Variants in KIRREL3 observed in about 807,000 individuals in gnomAD.
KIRREL3 encodes kin of IRRE-like protein 3.
In KIRREL3, 36 loss-of-function variants were observed where a neutral mutation model predicts 89.7. The ratio of observed to expected loss-of-function variants is 0.40; its 90% confidence interval spans 0.31 to 0.53. The LOEUF is 0.53. Among genes scored for constraint, KIRREL3 ranks in the 20% least tolerant of loss-of-function variants. The pLI is 0.49. For missense variants in KIRREL3, 864 were observed against 1,056.6 expected, an observed-to-expected ratio of 0.82 and a Z score of 2.53; for synonymous variants, 445 against 441.4, an observed-to-expected ratio of 1.01 and a Z score of -0.10.
At chr11:126,959,771 G>A (rs1325555882) in intron 1 of KIRREL3, among the ~76,000 whole-genome samples, 2 of 151,430 alleles carry the variant, frequency 1.3e-5, no homozygotes, top group Admixed American at 1.3e-4. Context: ...TACCCAACCT[G>A]GGGGCCACCT....
rs1940363182 is a variant in KIRREL3 at position 126,564,430 on chromosome 11, C to G, written c.56-1518G>C. 6.6e-6 allele frequency among the ~76,000 whole-genome samples: 1 copy of G among 152,174 alleles called. No individual in the cohort carries two copies. The highest frequency in any genetic ancestry group is 2.4e-5 in the African/African-American group (1 of 41,450). ...CAGGAGGTGGCAGAACGCCACGGCCCAGGGAGGTCCCTGGCTTTGATCTCC... is the reference window on the plus strand; with the variant it reads ...CAGGAGGTGGCAGAACGCCACGGCCGAGGGAGGTCCCTGGCTTTGATCTCC... On this transcript the variant is annotated intron_variant, in intron 1 of 16. Transcript: ENST00000525144. The surrounding 1 kb of genome is among the most constrained non-coding windows in gnomAD (Gnocchi z 7.4).
intron 1 of KIRREL3, among the ~76,000 whole-genome samples, chr11:126,586,770 G>A (rs1941882475): frequency 6.6e-6 from 1 of 152,236 alleles, no homozygotes; most frequent in African/African-American, 2.4e-5. Context: ...AAGGCACTGG[G>A]TCAGGAGCTG....
At chr11:126,838,193 A>T (rs1489064330) in intron 1 of KIRREL3, among the ~76,000 whole-genome samples, 1 of 152,366 alleles carries the variant, frequency 6.6e-6, no homozygotes, top group East Asian at 1.9e-4. Context: ...ATCAATGTGC[A>T]GAAGCAATTT....
At position 126,766,807 on chromosome 11, in the gene KIRREL3, A is replaced by C. The variant is rs79325944; in HGVS notation, c.56-203895T>G. 6.6e-6 allele frequency among the ~76,000 whole-genome samples: 1 copy of C among 152,346 alleles called. No homozygotes were observed. Among genetic ancestry groups the C allele is most frequent in the African/African-American group, 2.4e-5 (1 of 41,594 alleles). Reference sequence around the variant, plus strand: ...TGCTGTTGATAATTGTGATAGTTAAAGTGATTTGCTTACAGTAATTAGTTC... The same window carrying C: ...TGCTGTTGATAATTGTGATAGTTAACGTGATTTGCTTACAGTAATTAGTTC... On this transcript the variant is annotated intron_variant, in intron 1 of 16. Coordinates refer to ENST00000525144, the MANE Select transcript of KIRREL3 (RefSeq NM_032531.4). The surrounding 1 kb of genome is among the most constrained non-coding windows in gnomAD (Gnocchi z 4.2).
Position 126,769,893 on chromosome 11 carries a change from C to T in KIRREL3, c.56-206981G>A, listed in dbSNP as rs1213043327. Among the ~76,000 whole-genome samples, 2 of 152,192 alleles carry T rather than the reference C, an allele frequency of 1.3e-5. No individual in the cohort carries two copies. The highest frequency in any genetic ancestry group is 3.8e-4 in the East Asian group (2 of 5,200). ...CATTTATAAGATAAAGGTAATAACA[C>T]ATACCCAGGGGGGTTGGCTTGGCGG... On this transcript the variant is annotated intron_variant, in intron 1 of 16. Coordinates refer to ENST00000525144, the MANE Select transcript of KIRREL3 (RefSeq NM_032531.4). This position sits in a 1 kb window ranked among gnomAD's most constrained non-coding sequence, Gnocchi z 4.3.
intron 1 of KIRREL3, among the ~76,000 whole-genome samples, chr11:126,701,725 G>A (rs998926466): frequency 1.3e-5 from 2 of 152,220 alleles, no homozygotes; most frequent in Admixed American, 6.5e-5. Flanking sequence ...GCACCTGGGC[G>A]GAGTTCTGGA....
intron 1 of KIRREL3, among the ~76,000 whole-genome samples, chr11:126,922,179 A>G (rs1947377954): frequency 7.6e-6 from 1 of 130,858 alleles, no homozygotes; most frequent in African/African-American, 2.8e-5. Flanking sequence ...ATCTATCTCT[A>G]TCATCTTTTG....
chr11:126,603,717 A>G (rs1942763511), intron 1 of KIRREL3, among the ~76,000 whole-genome samples: 1 of 152,244 alleles, frequency 6.6e-6, no homozygotes, highest in African/African-American at 2.4e-5. Context: ...GGTGCGCAGC[A>G]GCCATATCCT....
At chr11:126,767,264 T>C (rs76397542) in intron 1 of KIRREL3, among the ~76,000 whole-genome samples, 2,154 of 152,164 alleles carry the variant, frequency 0.014, 50 homozygotes, top group African/African-American at 0.045. Flanking sequence ...AGGCGGAGGG[T>C]GTTTTCTACC....
intron 1 of KIRREL3, among the ~76,000 whole-genome samples, chr11:126,846,835 A>G (rs1380557457): frequency 1.3e-5 from 2 of 152,230 alleles, no homozygotes; most frequent in African/African-American, 4.8e-5. Context: ...TGAACAGTTG[A>G]ACAAATTGTG....
intron 1 of KIRREL3, among the ~76,000 whole-genome samples, chr11:126,923,151 T>A (rs879629233): frequency 3.8e-5 from 1 of 26,008 alleles, no homozygotes; most frequent in African/African-American, 2.2e-4. Context: ...TTCTTCTTCT[T>A]CTTCTTCTTC....
intron 1 of KIRREL3, among the ~76,000 whole-genome samples, chr11:126,632,829 T>A (rs1944100133): frequency 7.1e-6 from 1 of 140,610 alleles, no homozygotes; most frequent in South Asian, 2.3e-4. Context: ...CGGTAGCTCA[T>A]GCCTGTAATC....
chr11:126,642,221 C>T lies in KIRREL3; in HGVS notation c.56-79309G>A, dbSNP rs1383655919. 2.0e-5 allele frequency among the ~76,000 whole-genome samples: 3 copies of T among 152,204 alleles called. No individual in the cohort carries two copies. Among genetic ancestry groups the T allele is most frequent in the Non-Finnish European group, 2.9e-5 (2 of 68,046 alleles). ...CTTTCCTGCCTTCTAGTCCAAACTT[C>T]AAAATCCTTCCTGCACTGGTCTCAT... On this transcript the variant is annotated intron_variant, in intron 1 of 16. Coordinates refer to ENST00000525144, the MANE Select transcript of KIRREL3 (RefSeq NM_032531.4). This position sits in a 1 kb window ranked among gnomAD's most constrained non-coding sequence, Gnocchi z 4.9.
In KIRREL3 at chr11:126,490,637, A is replaced by T. The variant is rs1957486648; in HGVS notation, c.434-17171T>A. Among the ~76,000 whole-genome samples the T allele has an allele frequency of 6.6e-6, 1 of 152,168 alleles. No homozygotes were observed. The highest frequency in any genetic ancestry group is 6.5e-5 in the Admixed American group (1 of 15,278). ...ATTTGAGCCTGTGTCTTCGTCATAA[A>T]ATAAGAGGGATAATAATTCTGTGAA... On this transcript the variant is annotated intron_variant, in intron 4 of 16. Coordinates refer to ENST00000525144, the MANE Select transcript of KIRREL3 (RefSeq NM_032531.4). The surrounding 1 kb of genome is among the most constrained non-coding windows in gnomAD (Gnocchi z 4.2).
intron 1 of KIRREL3, among the ~76,000 whole-genome samples, chr11:126,845,167 A>G (rs1186508577): frequency 6.6e-6 from 1 of 152,096 alleles, no homozygotes; most frequent in African/African-American, 2.4e-5. Context: ...GTTTTGTCAC[A>G]TGTATTTTGC....
chr11:126,664,287 T>C lies in KIRREL3; in HGVS notation c.56-101375A>G, dbSNP rs562715819. Among the ~76,000 whole-genome samples, 1 of 151,972 alleles carries C rather than the reference T, an allele frequency of 6.6e-6. No individual in the cohort carries two copies. Among genetic ancestry groups the C allele is most frequent in the Admixed American group, 6.6e-5 (1 of 15,262 alleles). The stretch of plus-strand genomic sequence containing the variant: ...GATCATCAACCCAGCACCAATTATG[T>C]AGAGCAGGCAAAGTACAAAGAGGCT... On this transcript the variant is annotated intron_variant, in intron 1 of 16. Transcript: ENST00000525144. This position sits in a 1 kb window ranked among gnomAD's most constrained non-coding sequence, Gnocchi z 5.4.
At chr11:126,554,804 T>C (rs1011806392) in intron 2 of KIRREL3, among the ~76,000 whole-genome samples, 3 of 152,126 alleles carry the variant, frequency 2.0e-5, no homozygotes, top group African/African-American at 7.2e-5. Flanking sequence ...AATTGTTGCT[T>C]TTTTGGCCTG....
rs578201837 is a variant in KIRREL3, at chr11:126,804,298, G to A, written c.55+196157C>T. ...ATCTCTGAGTTCTGTGGAGTGCAAAGTCTGAAGATGACCTTTTCCTGGCAG... is the reference window on the plus strand; with the variant it reads ...ATCTCTGAGTTCTGTGGAGTGCAAAATCTGAAGATGACCTTTTCCTGGCAG... On this transcript the variant is annotated intron_variant, in intron 1 of 16. Coordinates refer to ENST00000525144, the MANE Select transcript of KIRREL3 (RefSeq NM_032531.4). 6.8e-4 allele frequency among the ~76,000 whole-genome samples: 104 copies of A among 152,336 alleles called. 1 individual carries two copies. The highest frequency in any genetic ancestry group is 1.2e-3 in the Admixed American group (18 of 15,298).
At chr11:126,806,494 G>C (rs10790835) in intron 1 of KIRREL3, among the ~76,000 whole-genome samples, 131,412 of 152,110 alleles carry the variant, frequency 0.86, 57,056 homozygotes, top group East Asian at 1. Context: ...AGTCCTTCCT[G>C]CAGCTAGATA....
Sources: gnomAD v4.1 joint callset for allele counts (sites outside exome capture counted in the v4.1 genomes callset) on GRCh38, gnomAD v4.1.1 for gene constraint, Gnocchi (gnomAD v3.1) non-coding constraint, MANE v1.5 for transcripts, NCBI Gene and HGNC (gene_info 2026-07-23, HGNC 2026-07-21) for gene names.